ENOX1: variants seen among roughly 807,000 people sequenced by gnomAD.
The protein encoded by ENOX1 is candidate growth-related and time keeping constitutive hydroquinone (NADH) oxidase.
In ENOX1, 42 loss-of-function variants were observed where a neutral mutation model predicts 82.5. That is an observed-to-expected ratio of 0.51 (90% CI 0.40 to 0.66). The LOEUF is 0.66. ENOX1 is among the 30% of genes least tolerant of loss of function. ENOX1 has a pLI of 0.00. For synonymous variants in ENOX1, 271 were observed against 282.2 expected, an observed-to-expected ratio of 0.96 and a Z score of 0.40; for missense variants, 608 against 811.6, an observed-to-expected ratio of 0.75 and a Z score of 3.05.
intron 2 of ENOX1, among the ~76,000 whole-genome samples, chr13:43,588,568 G>T: frequency 6.6e-6 from 1 of 152,194 alleles, no homozygotes. Flanking sequence ...GGAAGTTGAG[G>T]TTGGAATTTG....
chr13:43,436,714 A>T (rs1439692289), intron 3 of ENOX1, among the ~76,000 whole-genome samples: 1 of 152,206 alleles, frequency 6.6e-6, no homozygotes, highest in Non-Finnish European at 1.5e-5. Flanking sequence ...GATAGAGAAC[A>T]TTAATTCTAA....
intron 3 of ENOX1, among the ~76,000 whole-genome samples, chr13:43,468,808 C>T (rs750001243): frequency 9.2e-5 from 14 of 152,224 alleles, no homozygotes; most frequent in South Asian, 6.2e-4. Flanking sequence ...CAGTTTTCAG[C>T]GTGCATGTCT....
chr13:43,443,688 G>C (rs368625022), intron 3 of ENOX1, among the ~76,000 whole-genome samples: 1 of 152,106 alleles, frequency 6.6e-6, no homozygotes, highest in East Asian at 1.9e-4. Context: ...GGCAGCACAC[G>C]GAGTAAAGAG....
chr13:43,700,810 T>C (rs2086868787), intron 1 of ENOX1, among the ~76,000 whole-genome samples: 1 of 152,134 alleles, frequency 6.6e-6, no homozygotes. Context: ...GAGAGCTGTG[T>C]CTTGAAAGAA....
intron 2 of ENOX1, among the ~76,000 whole-genome samples, chr13:43,647,063 T>C (rs143040310): frequency 0.011 from 1,669 of 152,242 alleles, 11 homozygotes; most frequent in Non-Finnish European, 0.016. Context: ...ATTCTGGCCC[T>C]CTCAGAGGCG....
chr13:43,499,020 T>A (rs2076887905), intron 2 of ENOX1, among the ~76,000 whole-genome samples: 2 of 152,258 alleles, frequency 1.3e-5, no homozygotes, highest in South Asian at 4.1e-4. Context: ...ATCATGTACC[T>A]TTGATATTAT....
rs190605862 is a variant in ENOX1 at position 43,649,537 on chromosome 13, T to C, written c.-219+17942A>G. ...GTGTTGGGGGTGAGAGGTGCAGAGT[T>C]CACACTTTGATAATTCACTGATTCC... On this transcript the variant is annotated intron_variant, in intron 2 of 16. Coordinates refer to ENST00000690772, the MANE Select transcript of ENOX1 (RefSeq NM_001347969.2). Among the ~76,000 whole-genome samples the C allele has an allele frequency of 9.8e-5, 15 of 152,292 alleles. No homozygotes were observed. In the East Asian group the frequency reaches 2.5e-3, roughly 25 times the overall value.
chr13:43,226,484 C>T (rs996889653), intron 15 of ENOX1, among the ~76,000 whole-genome samples: 1 of 152,182 alleles, frequency 6.6e-6, no homozygotes, highest in African/African-American at 2.4e-5. Context: ...TTACTGTTAA[C>T]TATAATTTCC....
intron 2 of ENOX1, among the ~76,000 whole-genome samples, chr13:43,500,507 G>C (rs758287818): frequency 3.3e-5 from 5 of 152,024 alleles, no homozygotes; most frequent in Non-Finnish European, 7.4e-5. Flanking sequence ...AAATGCATGA[G>C]AGACAAAGAT....
At chr13:43,577,772 A>G (rs9594975) in intron 2 of ENOX1, among the ~76,000 whole-genome samples, 82,061 of 151,928 alleles carry the variant, frequency 0.54, 22,537 homozygotes, top group Non-Finnish European at 0.61. Flanking sequence ...AGAAGGAGGA[A>G]TATTGCAGAC....
At chr13:43,334,923 G>T (rs1208824206) in intron 9 of ENOX1, among the ~76,000 whole-genome samples, 4 of 152,148 alleles carry the variant, frequency 2.6e-5, no homozygotes, top group Non-Finnish European at 5.9e-5. Flanking sequence ...CTGTTTTGGG[G>T]GTTGCATGTA....
At chr13:43,444,373 G>A (rs1271564882) in intron 3 of ENOX1, among the ~76,000 whole-genome samples, 1 of 152,204 alleles carries the variant, frequency 6.6e-6, no homozygotes, top group Non-Finnish European at 1.5e-5. Context: ...TGAAGGCTGA[G>A]CTGCAGGCTT....
intron 2 of ENOX1, among the ~76,000 whole-genome samples, chr13:43,515,099 G>A (rs1220402910): frequency 6.6e-6 from 1 of 152,148 alleles, no homozygotes; most frequent in Non-Finnish European, 1.5e-5. Flanking sequence ...AGCATTAACT[G>A]ATTTGTTCAA....
intron 2 of ENOX1, among the ~76,000 whole-genome samples, chr13:43,487,725 T>C (rs562873300): frequency 1.3e-5 from 2 of 152,290 alleles, no homozygotes; most frequent in South Asian, 4.1e-4. Flanking sequence ...CAAGAAAACA[T>C]GTCTGTCACT....
intron 14 of ENOX1, among the ~76,000 whole-genome samples, chr13:43,248,952 T>G (rs1015516758): frequency 3.3e-5 from 5 of 152,150 alleles, no homozygotes; most frequent in African/African-American, 1.2e-4. Context: ...ATATTCTACA[T>G]AAAGAACAGA....
At chr13:43,437,315 A>C (rs1057040775) in intron 3 of ENOX1, among the ~76,000 whole-genome samples, 1 of 152,144 alleles carries the variant, frequency 6.6e-6, no homozygotes, top group Non-Finnish European at 1.5e-5. Context: ...GGATTTACTC[A>C]CCAACCCAGA....
At chr13:43,619,631 T>A (rs2082637458) in intron 2 of ENOX1, among the ~76,000 whole-genome samples, 1 of 152,178 alleles carries the variant, frequency 6.6e-6, no homozygotes, top group South Asian at 2.1e-4. Flanking sequence ...ATCTTTTCGA[T>A]ATGTTGTTGG....
chr13:43,726,512 C>G (rs2088967069), intron 1 of ENOX1, among the ~76,000 whole-genome samples: 1 of 151,990 alleles, frequency 6.6e-6, no homozygotes, highest in South Asian at 2.1e-4. Context: ...CCACCACGCC[C>G]AGCCTCATGT....
At chr13:43,681,549 A>T (rs2085783987) in intron 1 of ENOX1, among the ~76,000 whole-genome samples, 1 of 152,244 alleles carries the variant, frequency 6.6e-6, no homozygotes, top group African/African-American at 2.4e-5. Context: ...AATTTAATAA[A>T]TGTGTTTTAT....
Sources: allele counts gnomAD v4.1 joint callset (sites outside exome capture counted in the v4.1 genomes callset), GRCh38; gene constraint gnomAD v4.1.1; transcripts MANE v1.5; gene names NCBI Gene and HGNC (gene_info 2026-07-23, HGNC 2026-07-21).